CDK17: variants seen among roughly 807,000 people sequenced by gnomAD.
CDK17 encodes cyclin dependent kinase 17, also known as cyclin-dependent kinase 17.
Under a neutral mutation model 77.6 loss-of-function variants are expected in CDK17, and 24 were observed. The ratio of observed to expected loss-of-function variants is 0.31; its 90% CI spans 0.22 to 0.44. CDK17 has a LOEUF of 0.44. Ranked by LOEUF, CDK17 falls within the 20% of genes least tolerant of loss-of-function variation. The probability of loss-of-function intolerance (pLI) is 1.00; values close to 1 mark genes in which losing one functional copy is unlikely to be tolerated. For missense variants in CDK17, 429 were observed against 622.5 expected, an observed-to-expected ratio of 0.69 and a Z score of 3.31; for synonymous variants, 203 against 210.4, an observed-to-expected ratio of 0.96 and a Z score of 0.30.
chr12:96,298,765 C>A, intron 7 of CDK17, 104 bp downstream of exon 7: 1 of 596,072 alleles, frequency 1.7e-6, no homozygotes. Flanking sequence ...TTAATTACAT[C>A]TTCCAGTCAT....
rs1952385852 is a variant in CDK17, at chr12:96,295,092, C to T, written c.904G>A (p.Ala302Thr). The change falls in exon 10 of 17, where the codon GCA (alanine) becomes ACA (threonine). Residue 302 changes from alanine (A) to threonine (T), a missense_variant. By Grantham distance (58) the Ala-to-Thr change is moderately conservative (BLOSUM62 0). This residue lies in a region of CDK17 where 262 missense variants were observed against 385.4 expected (regional missense o/e 0.68). Transcript: ENST00000261211. ...AATACCTTTCTTCTATGGCAATATG[C>T]CAAACCACGTAGAATTTGGTACAGA... ...LFLYQILRGL[A>T]YCHRRKVLHR... The T allele has an allele frequency of 6.2e-7, 1 of 1,609,478 alleles. No homozygotes were observed. The highest frequency in any genetic ancestry group is 8.5e-7 in the Non-Finnish European group (1 of 1,177,782).
At chr12:96,399,425 G>C (rs1954223024) in intron 1 of CDK17, 1 of 152,492 alleles carries the variant, frequency 6.6e-6, no homozygotes, top group Admixed American at 6.5e-5. Flanking sequence ...GCTCCCACGC[G>C]CGGGCTCCTC....
chr12:96,295,951 T>C (rs1952399388), intron 9 of CDK17, among the ~76,000 whole-genome samples: 3 of 152,082 alleles, frequency 2.0e-5, no homozygotes, highest in Admixed American at 1.3e-4. Flanking sequence ...AGTTCATCTG[T>C]AGGTGAAAAA....
intron 1 of CDK17, chr12:96,335,302 T>C (rs1953026831): frequency 3.8e-6 from 1 of 266,378 alleles, no homozygotes; most frequent in South Asian, 3.7e-5. Context: ...CAAAGAACAA[T>C]GTTTGACAAT....
At chr12:96,316,271 G>C (rs183420768) in intron 3 of CDK17, among the ~76,000 whole-genome samples, 1 of 152,158 alleles carries the variant, frequency 6.6e-6, no homozygotes, top group South Asian at 2.1e-4. Flanking sequence ...GGCGCACCAC[G>C]AGACTATATA....
At chr12:96,367,960 C>A (rs1953615416) in intron 1 of CDK17, among the ~76,000 whole-genome samples, 1 of 151,532 alleles carries the variant, frequency 6.6e-6, no homozygotes, top group Non-Finnish European at 1.5e-5. Context: ...ACGTATACAT[C>A]AAAAAACACT....
chr12:96,295,233 A>C, intron 9 of CDK17, 111 bp from the exon 10 acceptor site: 1 of 772,720 alleles, frequency 1.3e-6, no homozygotes, highest in Non-Finnish European at 2.0e-6. Context: ...TAACAGGAAA[A>C]AGAAAGTAAT....
chr12:96,320,567 G>C (rs1952802141), intron 3 of CDK17, among the ~76,000 whole-genome samples: 1 of 149,128 alleles, frequency 6.7e-6, no homozygotes, highest in South Asian at 2.1e-4. Flanking sequence ...ATACTACAAG[G>C]CTACAGTAAC....
chr12:96,312,315 A>T (rs940385818), intron 4 of CDK17, among the ~76,000 whole-genome samples: 4 of 152,120 alleles, frequency 2.6e-5, no homozygotes, highest in African/African-American at 4.8e-5. Flanking sequence ...AAAGAATATA[A>T]TCTAGAGCAT....
Position 96,278,349 on chromosome 12 carries a change from T to C in CDK17, c.*1893A>G, listed in dbSNP as rs999304202. 9.9e-5 allele frequency: 15 copies of C among 152,108 alleles called. No homozygotes were observed. The highest frequency in any genetic ancestry group is 3.6e-4 in the African/African-American group (15 of 41,506). The allele number at this position is 152,108 out of a possible 1,614,324, so 9.4% of individuals were successfully genotyped here. A position where few individuals can be genotyped will look rare whatever the true frequency, so the allele number is the denominator to read the frequency against. On this transcript the variant is annotated 3_prime_UTR_variant, in exon 17 of 17. Coordinates refer to ENST00000261211, the MANE Select transcript of CDK17 (RefSeq NM_002595.5). ...CAAATCAAATATACATTCTATGAAG[T>C]GACAAATTTGATACTTTATAATTGA...
chr12:96,281,497 T>A lies in CDK17; in HGVS notation c.1457-612A>T, dbSNP rs924729658. 2.0e-5 allele frequency among the ~76,000 whole-genome samples: 3 copies of A among 152,214 alleles called. No individual in the cohort carries two copies. In the East Asian group the frequency reaches 5.8e-4, roughly 29 times the overall value. ...AGTTCTCCTGCCTCAGTCTCCTGAG[T>A]AGCTGGGATTACAGGTACGCGCCAC... On this transcript the variant is annotated intron_variant, in intron 15 of 16. Transcript: ENST00000261211.
intron 1 of CDK17, among the ~76,000 whole-genome samples, chr12:96,357,026 G>T (rs1458182684): frequency 6.6e-6 from 1 of 152,132 alleles, no homozygotes; most frequent in East Asian, 1.9e-4. Flanking sequence ...TTCAGATAGT[G>T]ATCTATTAGA....
intron 1 of CDK17, among the ~76,000 whole-genome samples, chr12:96,389,434 T>C (rs1954032152): frequency 6.6e-6 from 1 of 152,172 alleles, no homozygotes; most frequent in South Asian, 2.1e-4. Flanking sequence ...CTGAAATAAA[T>C]GTTTCAACCA....
intron 1 of CDK17, among the ~76,000 whole-genome samples, chr12:96,390,475 T>C (rs1313092994): frequency 1.4e-5 from 2 of 147,390 alleles, no homozygotes; most frequent in Non-Finnish European, 3.0e-5. Flanking sequence ...TTGGGAGGCC[T>C]AGGTGGGTGG....
intron 1 of CDK17, among the ~76,000 whole-genome samples, chr12:96,383,340 A>G (rs1356745264): frequency 1.3e-5 from 2 of 151,996 alleles, no homozygotes; most frequent in African/African-American, 4.8e-5. Context: ...TAGTGCCAAA[A>G]GCAATATACG....
chr12:96,294,773 A>AG (rs1952380042), intron 10 of CDK17, among the ~76,000 whole-genome samples: 2 of 152,068 alleles, frequency 1.3e-5, no homozygotes, highest in Non-Finnish European at 2.9e-5. Context: ...CAGGAGCCCT[A>AG]GGGGTCTTTG....
At chr12:96,306,449 A>C (rs923537206) in intron 5 of CDK17, among the ~76,000 whole-genome samples, 2 of 151,970 alleles carry the variant, frequency 1.3e-5, no homozygotes, top group East Asian at 3.9e-4. Context: ...TATGAGAACA[A>C]CACATTGAAA....
chr12:96,354,063 A>T (rs929623579), intron 1 of CDK17, among the ~76,000 whole-genome samples: 1 of 152,208 alleles, frequency 6.6e-6, no homozygotes, highest in African/African-American at 2.4e-5. Flanking sequence ...TAATCAACCC[A>T]GTTCCAAACA....
chr12:96,330,063 A>G (rs551004035), intron 2 of CDK17, among the ~76,000 whole-genome samples: 8 of 152,260 alleles, frequency 5.3e-5, no homozygotes, highest in African/African-American at 7.2e-5. Flanking sequence ...CTCAAGTAGT[A>G]TATGTGCAAT....
Sources: allele counts gnomAD v4.1 joint callset (sites outside exome capture counted in the v4.1 genomes callset), GRCh38; gene constraint gnomAD v4.1.1; regional missense constraint gnomAD v4.1.1; transcripts MANE v1.5; gene names NCBI Gene and HGNC (gene_info 2026-07-23, HGNC 2026-07-21).